COL4A4: variants seen among roughly 807,000 people sequenced by gnomAD.
The protein encoded by COL4A4 is collagen type IV alpha 4 chain, also known as collagen alpha-4(IV) chain.
A neutral mutation model predicts 192.9 loss-of-function variants in COL4A4; 105 were observed. The ratio of observed to expected loss-of-function variants is 0.54; its 90% CI spans 0.46 to 0.64. The LOEUF (loss-of-function observed/expected upper bound fraction) is 0.64, where lower values mean the gene tolerates loss of function less well. Ranked by LOEUF, COL4A4 falls within the 30% of genes least tolerant of loss-of-function variation. The pLI, the probability that COL4A4 is intolerant of heterozygous loss-of-function variation, is 0.00. For synonymous variants in COL4A4, 762 were observed against 769.9 expected (o/e 0.99, Z 0.17); for missense variants, 1,967 against 2,169.3 (o/e 0.91, Z 1.85).
intron 1 of COL4A4, among the ~76,000 whole-genome samples, chr2:227,163,312 C>CA (rs2065004698): frequency 6.6e-6 from 1 of 152,194 alleles, no homozygotes; most frequent in South Asian, 2.1e-4. Context: ...GCTATTATCT[C>CA]AAAATACCAT....
chr2:227,033,748 A>G (rs558775546), intron 37 of COL4A4, among the ~76,000 whole-genome samples: 1 of 152,370 alleles, frequency 6.6e-6, no homozygotes, highest in East Asian at 1.9e-4. Flanking sequence ...TATCGTGACC[A>G]GATATGGTCT....
chr2:226,984,054 A>C, the COL4A4 span, among the ~76,000 whole-genome samples: 5 of 152,154 alleles, frequency 3.3e-5, no homozygotes, highest in Admixed American at 6.5e-5. Flanking sequence ...TGTCTCCGGC[A>C]ATTATGAAGC....
At chr2:227,025,130 A>C (rs1559437162) in intron 43 of COL4A4, among the ~76,000 whole-genome samples, 1 of 152,252 alleles carries the variant, frequency 6.6e-6, no homozygotes, top group Admixed American at 6.5e-5. Context: ...AAAGACCTTA[A>C]AAATAATACA....
At chr2:227,163,629 G>A (rs2065035998) in intron 1 of COL4A4, among the ~76,000 whole-genome samples, 9 of 152,218 alleles carry the variant, frequency 5.9e-5, no homozygotes, top group Admixed American at 5.9e-4. Context: ...CAGGAAGAGC[G>A]CACCCTGACC....
intron 18 of COL4A4, among the ~76,000 whole-genome samples, chr2:227,099,272 G>A (rs1159774835): frequency 6.6e-6 from 1 of 152,076 alleles, no homozygotes; most frequent in Non-Finnish European, 1.5e-5. Flanking sequence ...TCACCATGTT[G>A]GCCAGGCTGG....
rs2149713978 is a variant in COL4A4 at position 227,007,444 on chromosome 2, G to T, written c.4954C>A (p.Leu1652Ile). The change falls in exon 48 of 48, where the codon CTC (leucine) becomes ATC (isoleucine). Residue 1652 changes from leucine to isoleucine, a missense_variant. Transcript: ENST00000396625. ...HFFANKYSFWLTTVKADLQFS... is the reference protein window; with the variant it reads ...HFFANKYSFWITTVKADLQFS... ...TGCAAGTCTGCTTTCACCGTTGTGA[G>T]CCAGAAGCTATACTTATTTGCGAAA... The T allele has an allele frequency of 6.2e-7, 1 of 1,614,218 alleles. No individual in the cohort carries two copies. Among genetic ancestry groups the T allele is most frequent in the Non-Finnish European group, 8.5e-7 (1 of 1,180,032 alleles).
the COL4A4 span, among the ~76,000 whole-genome samples, chr2:226,984,163 G>A: frequency 6.6e-6 from 1 of 152,256 alleles, no homozygotes; most frequent in Admixed American, 6.5e-5. Context: ...CCCAGCAGCT[G>A]TGACAGCCAG....
rs911639034 is a variant in COL4A4, at chr2:227,109,527, T to C, written c.595-241A>G. On this transcript the variant is annotated intron_variant, in intron 9 of 47. Coordinates refer to ENST00000396625, the MANE Select transcript of COL4A4 (RefSeq NM_000092.5). ...ACTTTGAAAGGCCAAGTGGGGCAGA[T>C]CACGAGGTCAGGAGATCGAGACCAT... The C allele has an allele frequency of 6.0e-6, 4 of 663,736 alleles. No homozygotes were observed. The African/African-American group carries it at 7.1e-5, about 12-fold the overall frequency. The allele number at this position is 663,736 out of a possible 1,614,324, so 41.1% of individuals were successfully genotyped here. A position where few individuals can be genotyped will look rare whatever the true frequency, so the allele number is the denominator to read the frequency against.
chr2:226,972,443 G>C, the COL4A4 span, among the ~76,000 whole-genome samples: 1 of 152,168 alleles, frequency 6.6e-6, no homozygotes, highest in Non-Finnish European at 1.5e-5. Flanking sequence ...TCTCAGCCCT[G>C]CTATGCCCCC....
intron 25 of COL4A4, among the ~76,000 whole-genome samples, chr2:227,074,868 A>G (rs984799451): frequency 3.9e-5 from 6 of 152,300 alleles, no homozygotes; most frequent in African/African-American, 1.4e-4. Context: ...GCAAAGGCAT[A>G]AGAGTGATAT....
At chr2:227,096,256 G>A (rs1408184291) in intron 19 of COL4A4, among the ~76,000 whole-genome samples, 2 of 152,160 alleles carry the variant, frequency 1.3e-5, no homozygotes, top group East Asian at 1.9e-4. Flanking sequence ...GGAGGCTCCT[G>A]AGGCTACACA....
chr2:227,055,923 T>A (rs967398844), intron 30 of COL4A4, 22 bp downstream of exon 30: 1 of 1,606,426 alleles, frequency 6.2e-7, no homozygotes, highest in African/African-American at 1.3e-5. Context: ...TGGGAGGACA[T>A]CATGGAAAAA....
intron 22 of COL4A4, among the ~76,000 whole-genome samples, chr2:227,082,746 G>A (rs1469577973): frequency 6.6e-6 from 1 of 152,206 alleles, no homozygotes; most frequent in Non-Finnish European, 1.5e-5. Flanking sequence ...GCTAAGGAAA[G>A]TTGATGAGCA....
In COL4A4 at chr2:227,059,525, G is replaced by T; in HGVS notation, c.2263C>A (p.Gln755Lys). The T allele has an allele frequency of 6.2e-7, 1 of 1,614,058 alleles. No individual in the cohort carries two copies. Among genetic ancestry groups the T allele is most frequent in the South Asian group, 1.1e-5 (1 of 91,068 alleles). Residue 755 changes from glutamine to lysine, a missense_variant, in exon 28 of 48, where the codon CAG (glutamine) becomes AAG (lysine). By Grantham distance (53) the Gln-to-Lys change is moderately conservative (BLOSUM62 1). Transcript: ENST00000396625. ...GPPGSPGVNG[Q>K]KGIPGDPAFG... ...GCAGGGTCTCCCGGGATTCCTTTCT[G>T]ACCATTCACTCCTGGTGAGCCGGGA...
the COL4A4 span, among the ~76,000 whole-genome samples, chr2:226,970,816 A>G: frequency 3.9e-5 from 6 of 152,196 alleles, no homozygotes; most frequent in East Asian, 1.2e-3. Context: ...TCACAAGGCA[A>G]TCTTGGCAGC....
At chr2:227,147,868 G>A (rs1353062600) in intron 1 of COL4A4, among the ~76,000 whole-genome samples, 1 of 149,102 alleles carries the variant, frequency 6.7e-6, no homozygotes, top group Non-Finnish European at 1.5e-5. Context: ...TTTTATATAT[G>A]TATAAATAAT....
chr2:227,142,144 G>T (rs911321317), intron 3 of COL4A4, among the ~76,000 whole-genome samples: 3 of 148,520 alleles, frequency 2.0e-5, no homozygotes, highest in East Asian at 2.0e-4. Flanking sequence ...ATCAAGGTTT[G>T]ACTTGGATCA....
rs758822531 is a variant in COL4A4 at position 227,121,145 on chromosome 2, G to A, written c.196C>T (p.Pro66Ser). Residue 66 changes from proline to serine, a missense_variant, in exon 5 of 48, where the codon CCA becomes TCA. By Grantham distance (74) the Pro-to-Ser change is moderately conservative. Coordinates refer to ENST00000396625, the MANE Select transcript of COL4A4 (RefSeq NM_000092.5). ...HCVPEKGSRG[P>S]PGPPGPQGPI... Reference sequence around the variant, plus strand: ...CCCTGTGGCCCTGGTGGTCCTGGTGGACCCTGAGAAGGAAGATTAAAAAGA... The same window carrying A: ...CCCTGTGGCCCTGGTGGTCCTGGTGAACCCTGAGAAGGAAGATTAAAAAGA... 8 of 1,613,880 alleles carry A rather than the reference G, an allele frequency of 5.0e-6. No homozygotes were observed. The African/African-American group carries it at 9.3e-5, about 19-fold the overall frequency.
At chr2:227,082,267 TTC>T in intron 22 of COL4A4, 80 bp from the exon 23 acceptor site, 2 of 1,201,252 alleles carry the variant, frequency 1.7e-6, no homozygotes, top group Admixed American at 3.4e-5. Context: ...AATCTCTCTC[TTC>T]TTCCCTCCTA....
Sources: gnomAD v4.1 joint callset for allele counts (sites outside exome capture counted in the v4.1 genomes callset) on GRCh38, gnomAD v4.1.1 for gene constraint, MANE v1.5 for transcripts, NCBI Gene and HGNC (gene_info 2026-07-23, HGNC 2026-07-21) for gene names.